The following CDON variants were observed in gnomAD, a reference collection of about 807,000 sequenced individuals.
The protein encoded by CDON is cell adhesion associated, oncogene regulated, also known as cell adhesion molecule-related/down-regulated by oncogenes.
In CDON, 73 loss-of-function variants were observed where a neutral mutation model predicts 120.9. That is an observed-to-expected ratio of 0.60 (90% CI 0.50 to 0.73). The LOEUF (loss-of-function observed/expected upper bound fraction) is 0.73, where lower values mean the gene tolerates loss of function less well. Among genes scored for constraint, CDON ranks in the 30% least tolerant of loss-of-function variants. The pLI is 0.00. For synonymous variants in CDON, 566 were observed against 573.5 expected (o/e 0.99, Z 0.19); for missense variants, 1,470 against 1,587.3 (o/e 0.93, Z 1.26).
intron 15 of CDON, among the ~76,000 whole-genome samples, chr11:125,986,736 G>A (rs1463779400): frequency 6.6e-6 from 1 of 150,596 alleles, no homozygotes; most frequent in Non-Finnish European, 1.5e-5. Flanking sequence ...CTGCACTCCA[G>A]CCCTGGGCGA....
chr11:126,021,208 C>CA lies in CDON; in HGVS notation c.349+39dup, dbSNP rs3832751. 373,420 of 1,606,576 alleles carry CA rather than the reference C, an allele frequency of 0.23. 46,423 individuals are homozygous for CA. The highest frequency in any genetic ancestry group is 0.45 in the African/African-American group (33,932 of 74,654). On this transcript the variant is annotated intron_variant, in intron 3 of 19. Coordinates refer to ENST00000531738, the MANE Select transcript of CDON (RefSeq NM_001378964.1). Reference sequence around the variant, plus strand: ...GAAATATAAGCACTAACAGTAATTTCAAGAAAACCCATACCTAACAGGGAC... The same window carrying CA: ...GAAATATAAGCACTAACAGTAATTTCAAAGAAAACCCATACCTAACAGGGAC...
chr11:125,999,681 C>T (rs1249606668), intron 11 of CDON, among the ~76,000 whole-genome samples: 1 of 152,164 alleles, frequency 6.6e-6, no homozygotes, highest in Non-Finnish European at 1.5e-5. Context: ...CCTTCTCATT[C>T]AGTGTGGACT....
At chr11:126,049,342 G>C (rs1262728277) in intron 1 of CDON, among the ~76,000 whole-genome samples, 1 of 152,206 alleles carries the variant, frequency 6.6e-6, no homozygotes, top group Non-Finnish European at 1.5e-5. Flanking sequence ...TCGTAGATAA[G>C]TAATGACTTG....
upstream of CDON, chr11:126,063,260 C>T (rs2134993932): frequency 6.6e-6 from 1 of 152,478 alleles, no homozygotes; most frequent in South Asian, 2.1e-4. Flanking sequence ...CCTGCACTCA[C>T]GCTCCCCTCA....
chr11:126,023,255 G>T, intron 2 of CDON, 146 bp downstream of exon 2: 1 of 772,414 alleles, frequency 1.3e-6, no homozygotes, highest in Non-Finnish European at 2.4e-6. Context: ...AATTTATCGA[G>T]TTTTTAAATC....
At position 125,983,261 on chromosome 11, in the gene CDON, GAAGAGAA is replaced by G. The variant is rs573486857; in HGVS notation, c.2995+604_2995+610del. Among the ~76,000 whole-genome samples, 20 of 152,300 alleles carry G rather than the reference GAAGAGAA, an allele frequency of 1.3e-4. No homozygotes were observed. The East Asian group carries it at 2.3e-3, about 18-fold the overall frequency. On this transcript the variant is annotated intron_variant, in intron 16 of 19. Transcript: ENST00000531738. ...GACAGTGAGGTGAAGAGAACTGAAG[GAAGAGAA>G]AAGAGAAAGGGGGTTCTAGGTTACT...
chr11:126,053,200 C>G (rs1948606927), intron 1 of CDON, among the ~76,000 whole-genome samples: 1 of 152,096 alleles, frequency 6.6e-6, no homozygotes, highest in South Asian at 2.1e-4. Flanking sequence ...TAAAATGACC[C>G]CATTTAAAAA....
At chr11:125,987,433 C>G (rs1387897000) in intron 15 of CDON, among the ~76,000 whole-genome samples, 2 of 152,158 alleles carry the variant, frequency 1.3e-5, no homozygotes, top group African/African-American at 4.8e-5. Context: ...CAAGAACCTA[C>G]AGTCATTTTT....
rs140720667 is a variant in CDON, at chr11:125,997,144, TATATAA to T, written c.2362+57_2362+62del. On this transcript the variant is annotated intron_variant, in intron 12 of 19. Transcript: ENST00000531738. The stretch of plus-strand genomic sequence containing the variant: ...AACAGAGTGAGACCCTGTCTCAAAA[TATATAA>T]ATATATGGATCTAAAGTTCACATCG... 421,350 of 1,285,118 alleles carry T rather than the reference TATATAA, an allele frequency of 0.33. 69,651 individuals are homozygous for T. The highest frequency in any genetic ancestry group is 0.36 in the South Asian group (30,328 of 83,308). The allele number at this position is 1,285,118 out of a possible 1,614,324, so 79.6% of individuals were successfully genotyped here.
rs1463338446 is a variant in CDON, at chr11:126,015,394, C to T, written c.1045G>A (p.Ala349Thr). 1 of 1,614,168 alleles carries T rather than the reference C, an allele frequency of 6.2e-7. No homozygotes were observed. ...PAPNCTWFHN[A>T]QPIHPSARHL... The stretch of plus-strand genomic sequence containing the variant: ...CGTGCAGAAGGATGAATAGGCTGTG[C>T]ATTGTGAAACCAGGTACAGTTGGGG... The change falls in exon 7 of 20, where the codon GCA becomes ACA. Residue 349 changes from alanine (A) to threonine (T), a missense_variant. Transcript: ENST00000531738.
intron 18 of CDON, among the ~76,000 whole-genome samples, chr11:125,976,560 T>C (rs1267148305): frequency 6.6e-6 from 1 of 151,670 alleles, no homozygotes; most frequent in Non-Finnish European, 1.5e-5. Context: ...AAAAACTGTA[T>C]AATAAAAACT....
intron 15 of CDON, among the ~76,000 whole-genome samples, chr11:125,988,963 T>C (rs1311459341): frequency 6.6e-6 from 1 of 152,114 alleles, no homozygotes; most frequent in African/African-American, 2.4e-5. Flanking sequence ...TCAACAAATA[T>C]TTCTAATATC....
chr11:126,056,378 T>A (rs975646518), intron 1 of CDON, among the ~76,000 whole-genome samples: 3 of 152,220 alleles, frequency 2.0e-5, no homozygotes, highest in African/African-American at 7.2e-5. Flanking sequence ...AGGGGACAAT[T>A]TGCCCTTCTC....
intron 3 of CDON, 59 bp downstream of exon 3, chr11:126,021,189 T>TA: frequency 1.3e-6 from 2 of 1,557,038 alleles, no homozygotes; most frequent in East Asian, 2.3e-5. Flanking sequence ...TTCAGAAATA[T>TA]AAGCACTAAC....
intron 2 of CDON, among the ~76,000 whole-genome samples, chr11:126,022,101 CAAAAAAAAAA>C (rs56788784): frequency 8.8e-5 from 5 of 56,554 alleles, no homozygotes; most frequent in East Asian, 5.6e-4. Context: ...GACCCTGCTT[CAAAAAAAAAA>C]AAAAAAAAAA....
intron 11 of CDON, among the ~76,000 whole-genome samples, chr11:126,001,133 A>G (rs931462797): frequency 6.6e-6 from 1 of 152,150 alleles, no homozygotes; most frequent in African/African-American, 2.4e-5. Flanking sequence ...TGAGATTTTC[A>G]GAGTTCAAAA....
intron 18 of CDON, among the ~76,000 whole-genome samples, chr11:125,977,901 T>C (rs1025220119): frequency 6.6e-5 from 10 of 151,918 alleles, no homozygotes; most frequent in African/African-American, 2.2e-4. Context: ...AATTACTATA[T>C]ACAGAGGGTT....
At chr11:125,971,123 C>T (rs1431795466) in intron 18 of CDON, among the ~76,000 whole-genome samples, 2 of 152,108 alleles carry the variant, frequency 1.3e-5, no homozygotes, top group East Asian at 3.9e-4. Context: ...GTGGCTCACG[C>T]CTGTAATCCC....
chr11:125,980,084 A>C (rs1337391043), intron 17 of CDON, among the ~76,000 whole-genome samples: 2 of 152,224 alleles, frequency 1.3e-5, no homozygotes, highest in Non-Finnish European at 2.9e-5. Flanking sequence ...ATTTATTTGT[A>C]ATCAGAACAA....
Sources: allele counts gnomAD v4.1 joint callset (sites outside exome capture counted in the v4.1 genomes callset), GRCh38; gene constraint gnomAD v4.1.1; transcripts MANE v1.5; gene names NCBI Gene and HGNC (gene_info 2026-07-23, HGNC 2026-07-21).